Variants in CEP85L observed in about 807,000 individuals in gnomAD.
CEP85L encodes the protein centrosomal protein of 85 kDa-like.
Under a neutral mutation model 100.3 loss-of-function variants are expected in CEP85L, and 60 were observed. The observed-to-expected ratio is 0.60, with a 90% CI of 0.49 to 0.74. CEP85L has a LOEUF of 0.74. CEP85L is among the 30% of genes least tolerant of loss of function. The pLI is 0.00. For missense variants in CEP85L, 973 were observed against 936.2 expected (o/e 1.04, Z -0.51); for synonymous variants, 319 against 322.7 (o/e 0.99, Z 0.12).
At chr6:118,694,784 C>T (rs1170843357) in intron 1 of CEP85L, among the ~76,000 whole-genome samples, 3 of 152,172 alleles carry the variant, frequency 2.0e-5, no homozygotes, top group Non-Finnish European at 2.9e-5. Flanking sequence ...CTACAATATA[C>T]GTTTCTGCAA....
At chr6:118,626,984 G>A (rs1034062053) in intron 2 of CEP85L, among the ~76,000 whole-genome samples, 1 of 152,098 alleles carries the variant, frequency 6.6e-6, no homozygotes, top group Non-Finnish European at 1.5e-5. Flanking sequence ...TGGATCACTT[G>A]AGGCCAGGAG....
chr6:118,635,440 A>G (rs916396040), intron 1 of CEP85L, among the ~76,000 whole-genome samples: 2 of 152,148 alleles, frequency 1.3e-5, no homozygotes, highest in African/African-American at 4.8e-5. Context: ...TCTAAATGCT[A>G]ACACTGACTA....
intron 5 of CEP85L, among the ~76,000 whole-genome samples, chr6:118,496,354 ATT>A (rs1267025429): frequency 1.6e-5 from 1 of 61,156 alleles, no homozygotes; most frequent in African/African-American, 5.9e-5. Flanking sequence ...TTTATTTTAT[ATT>A]TTTTATTTTA....
intron 3 of CEP85L, among the ~76,000 whole-genome samples, chr6:118,542,087 A>T (rs1046292761): frequency 1.3e-5 from 2 of 152,194 alleles, no homozygotes; most frequent in Non-Finnish European, 2.9e-5. Context: ...GTTGTTTTTT[A>T]AGGTTTATAA....
chr6:118,520,169 T>G (rs1400111006), intron 4 of CEP85L, among the ~76,000 whole-genome samples: 1 of 152,208 alleles, frequency 6.6e-6, no homozygotes, highest in Non-Finnish European at 1.5e-5. Flanking sequence ...TTACTCTCAC[T>G]GCTTCTATTC....
intron 1 of CEP85L, among the ~76,000 whole-genome samples, chr6:118,706,565 T>C (rs575503812): frequency 6.6e-6 from 1 of 152,236 alleles, no homozygotes. Context: ...TGATGAAACA[T>C]ACATTTGAAC....
In CEP85L at chr6:118,467,634, A is replaced by G. The variant is rs551219609; in HGVS notation, c.2254+1438T>C. ...ATTAGGATAGCTCTACTACTCTATT[A>G]CTGAAAAACTTAACAAATGCTACCT... On this transcript the variant is annotated intron_variant, in intron 12 of 12. Coordinates refer to ENST00000368491, the MANE Select transcript of CEP85L (RefSeq NM_001042475.3). Among the ~76,000 whole-genome samples the G allele has an allele frequency of 2.0e-5, 3 of 152,318 alleles. 1 individual carries two copies. The highest frequency in any genetic ancestry group is 7.2e-5 in the African/African-American group (3 of 41,580).
At chr6:118,693,881 T>C (rs1291255640) in intron 1 of CEP85L, among the ~76,000 whole-genome samples, 1 of 152,180 alleles carries the variant, frequency 6.6e-6, no homozygotes, top group Non-Finnish European at 1.5e-5. Flanking sequence ...TAGCCCCCAA[T>C]TTCAAAGTCC....
rs516463 is a variant in CEP85L at position 118,578,159 on chromosome 6, G to C, written c.233-11843C>G. On this transcript the variant is annotated intron_variant, in intron 2 of 12. Coordinates refer to ENST00000368491, the MANE Select transcript of CEP85L (RefSeq NM_001042475.3). ...CAGCCCTTCCTGCTTGATCTGTAACGAGCACTTGTTCCTCAGCTTAATCTG... is the reference window on the plus strand; with the variant it reads ...CAGCCCTTCCTGCTTGATCTGTAACCAGCACTTGTTCCTCAGCTTAATCTG... Among the ~76,000 whole-genome samples the C allele has an allele frequency of 1.5e-3, 222 of 152,044 alleles. 3 individuals are homozygous for C. Among genetic ancestry groups the C allele is most frequent in the Admixed American group, 0.013 (196 of 15,284 alleles).
intron 4 of CEP85L, among the ~76,000 whole-genome samples, chr6:118,523,491 T>C (rs1185166198): frequency 6.6e-6 from 1 of 152,238 alleles, no homozygotes; most frequent in African/African-American, 2.4e-5. Flanking sequence ...GAAGACATTA[T>C]CTTGTAGCTC....
At chr6:118,679,301 G>A (rs1776575010) in intron 1 of CEP85L, among the ~76,000 whole-genome samples, 1 of 152,032 alleles carries the variant, frequency 6.6e-6, no homozygotes, top group African/African-American at 2.4e-5. Flanking sequence ...AAGAGACCTG[G>A]CACAAGATGA....
At chr6:118,521,016 T>C (rs779519069) in intron 4 of CEP85L, among the ~76,000 whole-genome samples, 2 of 152,136 alleles carry the variant, frequency 1.3e-5, no homozygotes, top group Non-Finnish European at 2.9e-5. Context: ...ATACGCAGTG[T>C]GAAAAAAAAC....
chr6:118,651,650 C>T (rs1687894618), upstream of CEP85L: 2 of 949,926 alleles, frequency 2.1e-6, no homozygotes, highest in Admixed American at 9.1e-5. Flanking sequence ...GGCGGGGCCT[C>T]GGGCAATGAC....
At chr6:118,620,884 AGTCCCACACCCT>A (rs1773394586) in intron 2 of CEP85L, among the ~76,000 whole-genome samples, 1 of 152,194 alleles carries the variant, frequency 6.6e-6, no homozygotes, top group Non-Finnish European at 1.5e-5. Context: ...CATGCCTGAA[AGTCCCACACCCT>A]TATTAAGGAG....
At chr6:118,636,740 C>G (rs1286295224) in intron 1 of CEP85L, among the ~76,000 whole-genome samples, 1 of 152,188 alleles carries the variant, frequency 6.6e-6, no homozygotes, top group Non-Finnish European at 1.5e-5. Flanking sequence ...CACTAGTACA[C>G]TGGCTTTTTC....
chr6:118,482,102 T>C (rs1773834823), intron 7 of CEP85L, among the ~76,000 whole-genome samples, 169 bp from the exon 8 acceptor site: 1 of 151,886 alleles, frequency 6.6e-6, no homozygotes, highest in Non-Finnish European at 1.5e-5. Flanking sequence ...TCTTCCTCTG[T>C]GTGAAAGGCA....
At chr6:118,645,152 C>T (rs1311897928) in intron 1 of CEP85L, among the ~76,000 whole-genome samples, 1 of 152,180 alleles carries the variant, frequency 6.6e-6, no homozygotes, top group Non-Finnish European at 1.5e-5. Flanking sequence ...GAACTCATTT[C>T]CGCCTTGGAG....
chr6:118,550,376 A>T (rs891603820), intron 3 of CEP85L, among the ~76,000 whole-genome samples: 2 of 151,814 alleles, frequency 1.3e-5, no homozygotes, highest in African/African-American at 2.4e-5. Flanking sequence ...AAATTATGTA[A>T]TATATTAAAT....
chr6:118,682,057 C>T (rs1287536711), intron 1 of CEP85L, among the ~76,000 whole-genome samples: 1 of 150,360 alleles, frequency 6.7e-6, no homozygotes, highest in Non-Finnish European at 1.5e-5. Context: ...TGAGCCACCG[C>T]ACCCAGCCTG....
Sources: allele counts gnomAD v4.1 joint callset (sites outside exome capture counted in the v4.1 genomes callset), GRCh38; gene constraint gnomAD v4.1.1; transcripts MANE v1.5; gene names NCBI Gene and HGNC (gene_info 2026-07-23, HGNC 2026-07-21).